ZNF486: variants seen among roughly 807,000 people sequenced by gnomAD.
ZNF486 encodes zinc finger protein 486.
In ZNF486, 12 loss-of-function variants were observed where a neutral mutation model predicts 12.8. The ratio of observed to expected loss-of-function variants is 0.94; its 90% CI spans 0.60 to 1.52. The LOEUF is 1.52. ZNF486 is among the 40% of genes most tolerant of loss of function. The pLI is 0.00. For missense variants in ZNF486, 738 were observed against 545.0 expected, an observed-to-expected ratio of 1.35 and a Z score of -3.53; for synonymous variants, 231 against 184.9, an observed-to-expected ratio of 1.25 and a Z score of -2.02.
At position 20,168,619 on chromosome 19, in the gene ZNF486, A is replaced by T. The variant is rs1436508289; in HGVS notation, c.30+1259A>T. ...CGGTGAGCCGAGATCGTGCCATTGC[A>T]CTCCAGCCTGGGCAACAACAGCGAA... On this transcript the variant is annotated intron_variant, in intron 1 of 3. Transcript: ENST00000335117. 2.0e-5 allele frequency among the ~76,000 whole-genome samples: 3 copies of T among 150,892 alleles called. No homozygotes were observed. In the East Asian group the frequency reaches 5.9e-4, roughly 30 times the overall value.
chr19:20,183,462 A>T (rs1033902746), intron 1 of ZNF486, among the ~76,000 whole-genome samples: 5 of 152,222 alleles, frequency 3.3e-5, no homozygotes, highest in Admixed American at 6.5e-5. Context: ...AAAATTACAG[A>T]ACATAGGAGT....
chr19:20,176,096 C>T, intron 1 of ZNF486: 2 of 187,382 alleles, frequency 1.1e-5, no homozygotes, highest in Non-Finnish European at 2.2e-5. Flanking sequence ...AGAGGGTCTC[C>T]TCACCTCTCA....
intron 3 of ZNF486, among the ~76,000 whole-genome samples, chr19:20,193,719 C>T (rs190027737): frequency 4.1e-4 from 62 of 152,018 alleles, no homozygotes; most frequent in Admixed American, 3.2e-3. Context: ...ATATTTAAAT[C>T]GTTTTCTGCA....
intron 1 of ZNF486, among the ~76,000 whole-genome samples, chr19:20,171,365 C>G (rs747440711): frequency 3.6e-4 from 55 of 152,182 alleles, no homozygotes; most frequent in Non-Finnish European, 6.9e-4. Context: ...GTGTTCCCAC[C>G]CACTCACAAA....
At chr19:20,167,747 T>A (rs79480052) in intron 1 of ZNF486, among the ~76,000 whole-genome samples, 11,451 of 152,120 alleles carry the variant, frequency 0.075, 682 homozygotes, top group African/African-American at 0.17. Context: ...TTTTCTTTTG[T>A]TAAAAATTTA....
At position 20,197,272 on chromosome 19, in the gene ZNF486, GACAAAGCTTTTAACCAGTCCTC is replaced by G. The variant is rs1555718169; in HGVS notation, c.564_585del (p.Asp188GlufsTer36). ...AAAACCTTTGAAATATATAGAAGGT[GACAAAGCTTTTAACCAGTCCTC>G]AACCCATACTACACATAAAAAAATT... On this transcript the variant is annotated frameshift_variant, in exon 4 of 4. Coordinates refer to ENST00000335117, the MANE Select transcript of ZNF486 (RefSeq NM_052852.4). LOFTEE classifies it low-confidence loss of function (END_TRUNC). The G allele has an allele frequency of 8.8e-5, 141 of 1,610,578 alleles. 1 individual carries two copies. In the Middle Eastern group the frequency reaches 5.8e-3, roughly 67 times the overall value.
chr19:20,190,417 T>TA (rs1201728637), intron 3 of ZNF486, among the ~76,000 whole-genome samples: 4 of 152,234 alleles, frequency 2.6e-5, no homozygotes, highest in African/African-American at 9.6e-5. Context: ...GACAAGATCT[T>TA]ACCAACACCA....
chr19:20,199,266 A>G lies in ZNF486; in HGVS notation c.*1164A>G, dbSNP rs1234681291. 1.3e-5 allele frequency: 2 copies of G among 152,222 alleles called. No homozygotes were observed. The highest frequency in any genetic ancestry group is 4.8e-5 in the African/African-American group (2 of 41,472). 9.4% of individuals were successfully genotyped at this position (152,222 alleles called of 1,614,324 possible). A position where few individuals can be genotyped will look rare whatever the true frequency, so the allele number is the denominator to read the frequency against. On this transcript the variant is annotated 3_prime_UTR_variant, in exon 4 of 4. Coordinates refer to ENST00000335117, the MANE Select transcript of ZNF486 (RefSeq NM_052852.4). ...AAGAGTATTGATTCTGAAGACAAGC[A>G]TTACAAATATAAAGAGGTTTGTAGT...
chr19:20,173,858 T>A (rs2089677177), intron 1 of ZNF486, among the ~76,000 whole-genome samples: 1 of 151,894 alleles, frequency 6.6e-6, no homozygotes. Context: ...CCAAAAAAAT[T>A]TTTGCCATTG....
intron 1 of ZNF486, among the ~76,000 whole-genome samples, chr19:20,181,899 A>G (rs2089791604): frequency 6.6e-6 from 1 of 152,230 alleles, no homozygotes; most frequent in African/African-American, 2.4e-5. Context: ...TATGAGAATT[A>G]AATCACAGAA....
At position 20,197,493 on chromosome 19, in the gene ZNF486, T is replaced by C; in HGVS notation, c.783T>C (p.Ser261=). ...TTACTACACATAAGAAAATTCATAG[T>C]GGAGAGAAACCCTACATTTGTGAAG... ...SSFTTHKKIH[S]GEKPYICEEC... Residue 261 remains serine, a synonymous_variant, in exon 4 of 4, where the codon AGT becomes AGC. Coordinates refer to ENST00000335117, the MANE Select transcript of ZNF486 (RefSeq NM_052852.4). 1 of 1,609,050 alleles carries C rather than the reference T, an allele frequency of 6.2e-7. No homozygotes were observed. Among genetic ancestry groups the C allele is most frequent in the Non-Finnish European group, 8.5e-7 (1 of 1,177,114 alleles).
chr19:20,169,807 G>A (rs2089626863), intron 1 of ZNF486, among the ~76,000 whole-genome samples: 1 of 150,678 alleles, frequency 6.6e-6, no homozygotes, highest in Non-Finnish European at 1.5e-5. Flanking sequence ...AATGGAGGGT[G>A]AAAAAGTCAG....
intron 1 of ZNF486, among the ~76,000 whole-genome samples, chr19:20,175,799 C>T (rs2089702348): frequency 6.6e-6 from 1 of 152,234 alleles, no homozygotes; most frequent in Non-Finnish European, 1.5e-5. Context: ...CTTTCTATTC[C>T]ACAAAACAGC....
intron 1 of ZNF486, 80 bp downstream of exon 1, chr19:20,167,440 C>T (rs2089596469): frequency 6.7e-7 from 1 of 1,493,044 alleles, no homozygotes; most frequent in African/African-American, 1.4e-5. Flanking sequence ...TCAGGCCTCC[C>T]CGTAGTCAGC....
At position 20,174,393 on chromosome 19, in the gene ZNF486, CT is replaced by C. The variant is rs200510939; in HGVS notation, c.30+7036del. 6.1e-3 allele frequency among the ~76,000 whole-genome samples: 908 copies of C among 149,644 alleles called. 7 individuals carry two copies. Among genetic ancestry groups the C allele is most frequent in the African/African-American group, 0.022 (860 of 39,910 alleles). ...AACAGTATTTTGTTTTTCTTTCTTTCTTTCTTCTTTTTTTTTTTTGAGAGAG... is the reference window on the plus strand; with the variant it reads ...AACAGTATTTTGTTTTTCTTTCTTTCTTCTTCTTTTTTTTTTTTGAGAGAG... On this transcript the variant is annotated intron_variant, in intron 1 of 3. Transcript: ENST00000335117.
chr19:20,181,756 A>G (rs782468885), intron 1 of ZNF486, among the ~76,000 whole-genome samples: 1 of 150,146 alleles, frequency 6.7e-6, no homozygotes, highest in East Asian at 2.0e-4. Flanking sequence ...TATCTCTTTC[A>G]TCTGTCTATA....
rs1555716046 is a variant in ZNF486, at chr19:20,184,450, T to C, written c.125T>C (p.Met42Thr). 11 of 1,613,258 alleles carry C rather than the reference T, an allele frequency of 6.8e-6. No individual in the cohort carries two copies. Among genetic ancestry groups the C allele is most frequent in the Admixed American group, 1.7e-5 (1 of 59,938 alleles). Residue 42 changes from methionine to threonine, a missense_variant, in exon 2 of 4, where the codon ATG (methionine) becomes ACG (threonine). Met to Thr is a moderately conservative substitution (Grantham distance 81). Transcript: ENST00000335117. The part of the protein sequence containing the change: ...TAQQNLYRDV[M>T]LENYRHLVFL... The stretch of plus-strand genomic sequence containing the variant: ...CAGCAGAATTTATATAGGGATGTGA[T>C]GTTAGAGAACTACAGACACCTGGTC...
At chr19:20,183,531 A>C (rs2089808897) in intron 1 of ZNF486, among the ~76,000 whole-genome samples, 1 of 152,118 alleles carries the variant, frequency 6.6e-6, no homozygotes, top group South Asian at 2.1e-4. Context: ...TTCAGATTTT[A>C]TTTACTTTCT....
intron 3 of ZNF486, among the ~76,000 whole-genome samples, chr19:20,196,522 G>A (rs1159477074): frequency 6.6e-6 from 1 of 152,070 alleles, no homozygotes; most frequent in Non-Finnish European, 1.5e-5. Flanking sequence ...TAGAGATGGG[G>A]TTTCACCATC....
Sources: allele counts gnomAD v4.1 joint callset (sites outside exome capture counted in the v4.1 genomes callset), GRCh38; gene constraint gnomAD v4.1.1; transcripts MANE v1.5; gene names NCBI Gene and HGNC (gene_info 2026-07-23, HGNC 2026-07-21).